TSC1: variants seen among roughly 807,000 people sequenced by gnomAD.
TSC1 encodes hamartin.
A neutral mutation model predicts 124.3 loss-of-function variants in TSC1; 20 were observed. The observed-to-expected ratio is 0.16, with a 90% confidence interval of 0.11 to 0.23. The LOEUF (loss-of-function observed/expected upper bound fraction) is 0.23. Among genes scored for constraint, TSC1 ranks in the 10% least tolerant of loss-of-function variants. The pLI, the probability that TSC1 is intolerant of heterozygous loss-of-function variation, is 1.00. For synonymous variants in TSC1, 493 were observed against 539.1 expected (o/e 0.91, Z 1.19); for missense variants, 1,124 against 1,448.5 (o/e 0.78, Z 3.64).
upstream of TSC1, chr9:132,945,309 A>G (rs1340596830): frequency 1.3e-5 from 2 of 152,232 alleles, no homozygotes; most frequent in African/African-American, 4.8e-5. Flanking sequence ...CTCACACTTC[A>G]CACCTACTCA....
intron 12 of TSC1, 110 bp downstream of exon 12, chr9:132,910,461 A>C: frequency 1.3e-6 from 2 of 1,582,522 alleles, no homozygotes; most frequent in South Asian, 2.2e-5. Context: ...ATTCAAACCC[A>C]TTGCATTTTA....
intron 15 of TSC1, 122 bp downstream of exon 15, chr9:132,905,459 G>T: frequency 7.2e-7 from 1 of 1,383,490 alleles, no homozygotes; most frequent in Non-Finnish European, 1.0e-6. Flanking sequence ...CTGACAAACA[G>T]CAGAGAACCA....
At chr9:132,944,751 G>A, upstream of TSC1, 2 of 397,494 alleles carry the variant, frequency 5.0e-6, no homozygotes, top group Non-Finnish European at 8.9e-6. Context: ...GGAAGGAAGA[G>A]GCTCTTCCAC....
intron 2 of TSC1, among the ~76,000 whole-genome samples, chr9:132,930,389 G>C (rs1847138448): frequency 6.6e-6 from 1 of 152,048 alleles, no homozygotes; most frequent in Non-Finnish European, 1.5e-5. Flanking sequence ...AAGAGTTCGA[G>C]ACCAACCTGG....
rs559319566 is a variant in TSC1, at chr9:132,923,228, A to G, written c.508+120T>C. ...AAGATATTCCCTCATCTGTCTGGTGAAAACCACTCATTTCAGCTATAAAAG... is the reference window on the plus strand; with the variant it reads ...AAGATATTCCCTCATCTGTCTGGTGGAAACCACTCATTTCAGCTATAAAAG... On this transcript the variant is annotated intron_variant, in intron 6 of 22. Coordinates refer to ENST00000298552, the MANE Select transcript of TSC1 (RefSeq NM_000368.5). The surrounding 1 kb of genome is among the most constrained non-coding windows in gnomAD (Gnocchi z 4.2). 2.7e-4 allele frequency: 380 copies of G among 1,412,408 alleles called. 2 individuals are homozygous for G. In the African/African-American group the frequency reaches 4.7e-3, roughly 17 times the overall value. The allele number at this position is 1,412,408 out of a possible 1,614,324, so 87.5% of individuals were successfully genotyped here.
rs1295189079 is a variant in TSC1 at position 132,906,870 on chromosome 9, ATACAGT to A, written c.1334-41_1334-36del. On this transcript the variant is annotated intron_variant, in intron 13 of 22. Coordinates refer to ENST00000298552, the MANE Select transcript of TSC1 (RefSeq NM_000368.5). The surrounding 1 kb of genome is among the most constrained non-coding windows in gnomAD (Gnocchi z 4.1). ...AACAAAGACAACTGAAGTCAAAGAA[ATACAGT>A]GTAATCCCTGTAAGTGTAAAACTGC... is the stretch of plus-strand genomic sequence containing the variant. 1 of 1,535,590 alleles carries A rather than the reference ATACAGT, an allele frequency of 6.5e-7. No individual in the cohort carries two copies. The highest frequency in any genetic ancestry group is 1.4e-5 in the African/African-American group (1 of 73,420).
At chr9:132,915,974 C>T (rs980038420) in intron 8 of TSC1, among the ~76,000 whole-genome samples, 1 of 152,048 alleles carries the variant, frequency 6.6e-6, no homozygotes, top group African/African-American at 2.4e-5. Flanking sequence ...GGCGTTAGGA[C>T]ACATGTGTAC....
Position 132,921,313 on chromosome 9 carries a change from T to C in TSC1, c.737+50A>G, listed in dbSNP as rs1846538166. The C allele has an allele frequency of 1.3e-6, 2 of 1,588,368 alleles. No homozygotes were observed. The highest frequency in any genetic ancestry group is 1.7e-6 in the Non-Finnish European group (2 of 1,157,366). On this transcript the variant is annotated intron_variant, in intron 8 of 22. Transcript: ENST00000298552. The surrounding 1 kb of genome is among the most constrained non-coding windows in gnomAD (Gnocchi z 4.3). ...AACAGGGATTACCTCCTAGATCACA[T>C]TTTCAATCTCTCGAAAGATTCTTTA...
intron 12 of TSC1, chr9:132,910,306 A>C: frequency 1.9e-6 from 1 of 540,060 alleles, no homozygotes; most frequent in South Asian, 2.6e-5. Flanking sequence ...GTCTCCAAAA[A>C]AAAAAAAAAA....
intron 4 of TSC1, chr9:132,926,799 T>G (rs191175528): frequency 3.5e-4 from 82 of 233,290 alleles, no homozygotes; most frequent in Admixed American, 2.2e-3. Flanking sequence ...CTCAGCTTCC[T>G]GAGTAGCTGA....
Position 132,911,509 on chromosome 9 carries a change from G to T in TSC1, c.973C>A (p.Gln325Lys), listed in dbSNP as rs118203474. The change falls in exon 10 of 23, where the codon CAG becomes AAG. Residue 325 changes from glutamine to lysine, a missense_variant. Around this residue, in one of 5 missense-constraint regions of TSC1, gnomAD observed 463 missense variants for 606.8 expected, o/e 0.76. Coordinates refer to ENST00000298552, the MANE Select transcript of TSC1 (RefSeq NM_000368.5). ...GGGGAACTCAGAGTCTGAGGTAGCT[G>T]CCCTGGCATATTTAACAACATCAGC... ...SRLMLLNMPG[Q>K]LPQTLSSPST... is the part of the protein sequence containing the mutation. 6.2e-7 allele frequency: 1 copy of T among 1,613,808 alleles called. No individual in the cohort carries two copies. The highest frequency in any genetic ancestry group is 8.5e-7 in the Non-Finnish European group (1 of 1,179,960).
intron 2 of TSC1, among the ~76,000 whole-genome samples, chr9:132,932,962 T>C (rs1448311410): frequency 6.6e-6 from 1 of 152,228 alleles, no homozygotes; most frequent in East Asian, 1.9e-4. Flanking sequence ...GATCCAATGA[T>C]ACTTATGATC....
intron 3 of TSC1, 142 bp from the exon 4 acceptor site, chr9:132,927,446 CTTAAT>C: frequency 1.4e-6 from 1 of 705,872 alleles, no homozygotes. Context: ...GTTCTGCCTT[CTTAAT>C]TTAATAATAA....
rs1845609756 is a variant in TSC1 at position 132,905,640 on chromosome 9, C to T, written c.1938G>A (p.Met646Ile). 1.2e-6 allele frequency: 2 copies of T among 1,614,198 alleles called. No homozygotes were observed. The highest frequency in any genetic ancestry group is 1.7e-6 in the Non-Finnish European group (2 of 1,180,040). ...GCTGTATCAGTCTGTCCAGCACTTC[C>T]ATTGGGGAGGTAGAGGGCACACCAT... ...EEDGVPSTSPMEVLDRLIQQG... is the reference protein window; with the variant it reads ...EEDGVPSTSPIEVLDRLIQQG... The change falls in exon 15 of 23, where the codon ATG becomes ATA. Residue 646 changes from methionine (M) to isoleucine (I), a missense_variant. Met to Ile is a conservative substitution (Grantham distance 10). Coordinates refer to ENST00000298552, the MANE Select transcript of TSC1 (RefSeq NM_000368.5).
At chr9:132,935,981 A>G (rs939766688) in intron 1 of TSC1, among the ~76,000 whole-genome samples, 4 of 152,206 alleles carry the variant, frequency 2.6e-5, no homozygotes, top group African/African-American at 9.6e-5. Context: ...TTGATTGATT[A>G]CTGAACATGC....
rs1315247381 is a variant in TSC1 at position 132,892,273 on chromosome 9, C to T, written c.*3962G>A. On this transcript the variant is annotated 3_prime_UTR_variant, in exon 23 of 23. Coordinates refer to ENST00000298552, the MANE Select transcript of TSC1 (RefSeq NM_000368.5). ...TTGTTCTTTCACCTACAGACAAAAGCTTAATCAAGTGCAATCAATGCCTTG... is the reference window on the plus strand; with the variant it reads ...TTGTTCTTTCACCTACAGACAAAAGTTTAATCAAGTGCAATCAATGCCTTG... 1 of 233,252 alleles carries T rather than the reference C, an allele frequency of 4.3e-6. No homozygotes were observed. The highest frequency in any genetic ancestry group is 2.2e-5 in the African/African-American group (1 of 45,370). 14.4% of individuals were successfully genotyped at this position (233,252 alleles called of 1,614,324 possible).
intron 1 of TSC1, among the ~76,000 whole-genome samples, chr9:132,937,662 G>A (rs1051256401): frequency 6.6e-6 from 1 of 152,058 alleles, no homozygotes; most frequent in Non-Finnish European, 1.5e-5. Flanking sequence ...CCTACATAAA[G>A]GCCCTACTCT....
intron 2 of TSC1, chr9:132,931,078 T>A (rs1427709515): frequency 6.6e-6 from 1 of 152,222 alleles, no homozygotes. Flanking sequence ...CTTGTCTAGC[T>A]AACCCCCACA....
chr9:132,943,657 T>C (rs983637998), intron 1 of TSC1: 1 of 152,156 alleles, frequency 6.6e-6, no homozygotes, highest in African/African-American at 2.4e-5. Context: ...CCTCTTCTCT[T>C]TGTCGTGAGG....
Sources: allele counts gnomAD v4.1 joint callset (sites outside exome capture counted in the v4.1 genomes callset), GRCh38; gene constraint gnomAD v4.1.1; regional missense constraint gnomAD v4.1.1; non-coding constraint Gnocchi (gnomAD v3.1); transcripts MANE v1.5; gene names NCBI Gene and HGNC (gene_info 2026-07-23, HGNC 2026-07-21).